Variants in AK8 observed in about 807,000 individuals in gnomAD.
AK8 encodes the protein ATP-AMP transphosphorylase 8.
AK8 carries 44 observed loss-of-function variants against 54.6 expected under a neutral mutation model. The ratio of observed to expected loss-of-function variants is 0.81; its 90% confidence interval spans 0.63 to 1.04. The LOEUF (loss-of-function observed/expected upper bound fraction) is 1.04. Among genes scored for constraint, AK8 ranks in the 50% least tolerant of loss-of-function variants. The probability of loss-of-function intolerance (pLI) is 0.00; values close to 1 mark genes in which losing one functional copy is unlikely to be tolerated. For missense variants in AK8, 555 were observed against 613.6 expected, an observed-to-expected ratio of 0.90 and a Z score of 1.01; for synonymous variants, 239 against 245.6, an observed-to-expected ratio of 0.97 and a Z score of 0.25.
chr9:132,801,214 C>T (rs1840441387), intron 10 of AK8, among the ~76,000 whole-genome samples: 1 of 152,100 alleles, frequency 6.6e-6, no homozygotes, highest in African/African-American at 2.4e-5. Context: ...AGGCATGAGC[C>T]ACCACGCCTG....
At chr9:132,876,208 G>A (rs891123313) in intron 1 of AK8, among the ~76,000 whole-genome samples, 1 of 152,164 alleles carries the variant, frequency 6.6e-6, no homozygotes, top group African/African-American at 2.4e-5. Context: ...CAGCTTCTCT[G>A]CCTGTTCAGT....
At chr9:132,743,640 T>C (rs963595639) in intron 11 of AK8, among the ~76,000 whole-genome samples, 1 of 152,246 alleles carries the variant, frequency 6.6e-6, no homozygotes, top group African/African-American at 2.4e-5. Flanking sequence ...TGTCTACAAG[T>C]GTTTTACTTC....
chr9:132,763,897 CA>C (rs1838601980), intron 11 of AK8, among the ~76,000 whole-genome samples: 1 of 152,038 alleles, frequency 6.6e-6, no homozygotes, highest in Admixed American at 6.5e-5. Context: ...TGATAAACAC[CA>C]ACATCAAAAA....
chr9:132,845,926 G>T (rs1306954407), intron 5 of AK8, among the ~76,000 whole-genome samples: 3 of 151,976 alleles, frequency 2.0e-5, no homozygotes, highest in African/African-American at 7.3e-5. Flanking sequence ...AAACAAATCT[G>T]TCCAGGCAGC....
intron 11 of AK8, 98 bp from the exon 12 acceptor site, chr9:132,727,632 C>T: frequency 8.4e-7 from 1 of 1,186,388 alleles, no homozygotes; most frequent in Non-Finnish European, 1.2e-6. Flanking sequence ...GAGACTGCTC[C>T]TCCCAGGGCT....
chr9:132,842,590 A>G (rs1248908232), intron 5 of AK8, among the ~76,000 whole-genome samples: 1 of 152,232 alleles, frequency 6.6e-6, no homozygotes, highest in African/African-American at 2.4e-5. Flanking sequence ...TGGGGTTAAG[A>G]GCACTGTGTA....
intron 11 of AK8, among the ~76,000 whole-genome samples, chr9:132,792,365 T>A (rs1839978851): frequency 6.6e-6 from 1 of 152,262 alleles, no homozygotes; most frequent in Admixed American, 6.5e-5. Context: ...CATTGATTTG[T>A]ATAACAATTC....
intron 10 of AK8, among the ~76,000 whole-genome samples, chr9:132,814,195 C>T (rs1159134708): frequency 2.0e-5 from 3 of 146,520 alleles, no homozygotes; most frequent in African/African-American, 7.6e-5. Context: ...GGGAGGATAA[C>T]CTGAGCCCAG....
chr9:132,748,870 GTGTT>G (rs201854731), intron 11 of AK8, among the ~76,000 whole-genome samples: 26 of 151,964 alleles, frequency 1.7e-4, no homozygotes, highest in African/African-American at 2.6e-4. Context: ...TGGCTAAGTT[GTGTT>G]TGTTTGTTTG....
intron 1 of AK8, among the ~76,000 whole-genome samples, chr9:132,877,487 A>G (rs1196908931): frequency 6.6e-6 from 1 of 152,158 alleles, no homozygotes; most frequent in Admixed American, 6.5e-5. Context: ...AGTGGCTGAG[A>G]GTTCTTCCCC....
intron 11 of AK8, among the ~76,000 whole-genome samples, chr9:132,792,188 G>A (rs543089588): frequency 1.3e-5 from 2 of 152,244 alleles, no homozygotes; most frequent in East Asian, 3.9e-4. Flanking sequence ...ACTAGTAGAG[G>A]GAAGACAGAA....
At chr9:132,751,464 C>G (rs116069011) in intron 11 of AK8, among the ~76,000 whole-genome samples, 2,091 of 150,106 alleles carry the variant, frequency 0.014, 52 homozygotes, top group African/African-American at 0.045. Flanking sequence ...AGCTGAGAAG[C>G]CTGCAACATC....
chr9:132,816,998 T>C (rs1841362556), intron 9 of AK8, among the ~76,000 whole-genome samples: 1 of 152,082 alleles, frequency 6.6e-6, no homozygotes, highest in South Asian at 2.1e-4. Flanking sequence ...ATGTGCAGGG[T>C]GAGACTCCAG....
At chr9:132,737,073 A>G (rs902122262) in intron 11 of AK8, among the ~76,000 whole-genome samples, 4 of 152,088 alleles carry the variant, frequency 2.6e-5, no homozygotes, top group East Asian at 1.9e-4. Context: ...TTGTACAACA[A>G]TGTGAAGGTA....
intron 2 of AK8, among the ~76,000 whole-genome samples, chr9:132,874,024 A>C (rs1236629481): frequency 6.6e-6 from 1 of 152,170 alleles, no homozygotes; most frequent in Non-Finnish European, 1.5e-5. Context: ...GGGGGTCCCA[A>C]GGCCACCCCA....
chr9:132,871,247 A>G (rs139534021), intron 2 of AK8, among the ~76,000 whole-genome samples: 97 of 152,230 alleles, frequency 6.4e-4, no homozygotes, highest in African/African-American at 2.2e-3. Flanking sequence ...CTCCATCTCA[A>G]AACAAAAAGA....
intron 2 of AK8, among the ~76,000 whole-genome samples, chr9:132,870,994 C>T (rs888868572): frequency 6.6e-6 from 1 of 152,184 alleles, no homozygotes; most frequent in Non-Finnish European, 1.5e-5. Flanking sequence ...GCCTGTAATC[C>T]CAGCACTTTG....
At chr9:132,765,200 G>A (rs1165582923) in intron 11 of AK8, among the ~76,000 whole-genome samples, 1 of 146,510 alleles carries the variant, frequency 6.8e-6, no homozygotes, top group African/African-American at 2.5e-5. Flanking sequence ...GGCTGAGGCG[G>A]GAGAGTTGCT....
chr9:132,876,153 G>A (rs1844086921), intron 1 of AK8, among the ~76,000 whole-genome samples: 1 of 152,148 alleles, frequency 6.6e-6, no homozygotes, highest in Non-Finnish European at 1.5e-5. Context: ...CTTGGTTCCA[G>A]CCCCACTGTA....
Sources: allele counts gnomAD v4.1 joint callset (sites outside exome capture counted in the v4.1 genomes callset), GRCh38; gene constraint gnomAD v4.1.1; transcripts MANE v1.5; gene names NCBI Gene and HGNC (gene_info 2026-07-23, HGNC 2026-07-21).